Variants in DIAPH1 observed in about 807,000 individuals in gnomAD.
The protein encoded by DIAPH1 is diaphanous related formin 1, also known as protein diaphanous homolog 1.
Under a neutral mutation model 140.7 loss-of-function variants are expected in DIAPH1, and 46 were observed. The ratio of observed to expected loss-of-function variants is 0.33; its 90% CI spans 0.26 to 0.42. The LOEUF (loss-of-function observed/expected upper bound fraction) is 0.42. Ranked by LOEUF, DIAPH1 falls within the 10% of genes least tolerant of loss-of-function variation. The probability of loss-of-function intolerance (pLI) is 1.00; values close to 1 mark genes in which losing one functional copy is unlikely to be tolerated. For missense variants in DIAPH1, 1,310 were observed against 1,558.7 expected (o/e 0.84, Z 2.69); for synonymous variants, 565 against 551.6 (o/e 1.02, Z -0.34).
intron 7 of DIAPH1, among the ~76,000 whole-genome samples, chr5:141,581,259 A>T (rs1054702564): frequency 1.3e-5 from 2 of 152,306 alleles, no homozygotes; most frequent in African/African-American, 4.8e-5. Flanking sequence ...AGAAACTAGG[A>T]GGGATATGGA....
At chr5:141,574,519 AAT>A (rs2099895666) in intron 15 of DIAPH1, among the ~76,000 whole-genome samples, 1 of 152,246 alleles carries the variant, frequency 6.6e-6, no homozygotes. Flanking sequence ...TTATATAACT[AAT>A]ATATGTGCTA....
intron 1 of DIAPH1, among the ~76,000 whole-genome samples, chr5:141,616,422 C>G (rs1483381410): frequency 1.3e-5 from 2 of 152,194 alleles, no homozygotes; most frequent in Non-Finnish European, 2.9e-5. Context: ...CCAGAGGACA[C>G]ATACTCTAGA....
At position 141,618,903 on chromosome 5, in the gene DIAPH1, G is replaced by C; in HGVS notation, c.12C>G (p.Pro4=). Residue 4 remains proline, a synonymous_variant, in exon 1 of 28, where the codon CCC becomes CCG. Transcript: ENST00000389054. ...CGCGGCCGGGCCCCAGGCTCCCGCC[G>C]GGCGGCTCCATGTCCCGGTTCACGC... The part of the protein sequence containing the change: MEP[P]GGSLGPGRGT... 4 of 1,510,670 alleles carry C rather than the reference G, an allele frequency of 2.6e-6. No homozygotes were observed. Among genetic ancestry groups the C allele is most frequent in the Admixed American group, 2.1e-5 (1 of 47,388 alleles). The allele number at this position is 1,510,670 out of a possible 1,614,324, so 93.6% of individuals were successfully genotyped here. A position where few individuals can be genotyped will look rare whatever the true frequency, so the allele number is the denominator to read the frequency against.
chr5:141,549,242 G>A (rs2099891325), intron 18 of DIAPH1, among the ~76,000 whole-genome samples: 1 of 152,086 alleles, frequency 6.6e-6, no homozygotes, highest in Non-Finnish European at 1.5e-5. Context: ...ATAATCAAGA[G>A]AAAACTGGTG....
chr5:141,540,277 T>C (rs1479397003), intron 18 of DIAPH1, among the ~76,000 whole-genome samples: 5 of 150,844 alleles, frequency 3.3e-5, no homozygotes, highest in Non-Finnish European at 5.9e-5. Context: ...CATGACACCA[T>C]GCCTGGCTAA....
In DIAPH1 at chr5:141,583,207, C is replaced by T; in HGVS notation, c.619G>A (p.Gly207Arg). Residue 207 changes from glycine (G) to arginine (R), a missense_variant and splice_region_variant, in exon 6 of 28, where the codon GGG becomes AGG. This residue lies in a region of DIAPH1 where 377 missense variants were observed against 497.1 expected (regional missense o/e 0.76). Coordinates refer to ENST00000389054, the MANE Select transcript of DIAPH1 (RefSeq NM_005219.5). ...TTGCAAAGACTTGGAAGTCCTCACC[C>T]AGCAGTCTCTTCTTTCTCATCATGA... is the stretch of plus-strand genomic sequence containing the variant. The part of the protein sequence containing the change: ...RLHDEKEETA[G>R]SYDSRNKHEI... 1 of 1,613,978 alleles carries T rather than the reference C, an allele frequency of 6.2e-7. No homozygotes were observed.
chr5:141,566,449 T>C (rs1044733861), intron 18 of DIAPH1, among the ~76,000 whole-genome samples: 1 of 152,168 alleles, frequency 6.6e-6, no homozygotes, highest in Non-Finnish European at 1.5e-5. Flanking sequence ...ATGGGTGACA[T>C]AACGATGTCA....
At chr5:141,603,221 T>C (rs2099900436) in intron 1 of DIAPH1, among the ~76,000 whole-genome samples, 2 of 152,218 alleles carry the variant, frequency 1.3e-5, no homozygotes, top group Non-Finnish European at 2.9e-5. Context: ...CTCCTCCATT[T>C]GGTTCAGAGT....
chr5:141,590,256 A>G (rs1248226917), intron 1 of DIAPH1, among the ~76,000 whole-genome samples: 2 of 152,228 alleles, frequency 1.3e-5, no homozygotes, highest in African/African-American at 4.8e-5. Flanking sequence ...TTGAAATAAA[A>G]TAAAACAAAC....
intron 1 of DIAPH1, among the ~76,000 whole-genome samples, chr5:141,610,242 C>T (rs530262314): frequency 6.6e-6 from 1 of 152,274 alleles, no homozygotes; most frequent in East Asian, 1.9e-4. Flanking sequence ...AGCAATTCTC[C>T]TGCCTCAGCC....
At chr5:141,545,764 A>G (rs2099890702) in intron 18 of DIAPH1, among the ~76,000 whole-genome samples, 1 of 152,234 alleles carries the variant, frequency 6.6e-6, no homozygotes. Context: ...ACCATATATT[A>G]ATAGTTTCTG....
chr5:141,546,821 G>A (rs968644459), intron 18 of DIAPH1, among the ~76,000 whole-genome samples: 2 of 152,164 alleles, frequency 1.3e-5, no homozygotes, highest in Admixed American at 6.5e-5. Context: ...CCACAACCAC[G>A]TCTTGGCACA....
At chr5:141,614,312 T>A (rs1006324361) in intron 1 of DIAPH1, among the ~76,000 whole-genome samples, 21 of 152,178 alleles carry the variant, frequency 1.4e-4, no homozygotes, top group African/African-American at 4.6e-4. Flanking sequence ...ATATGTGACA[T>A]ACAACTTATC....
At chr5:141,575,203 A>C in intron 14 of DIAPH1, 57 bp from the exon 15 acceptor site, 1 of 1,567,792 alleles carries the variant, frequency 6.4e-7, no homozygotes, top group Non-Finnish European at 8.8e-7. Context: ...AAGAAGCACA[A>C]GTATTATTAC....
At chr5:141,536,904 TCATGCCTATAATC>T (rs2099889110) in intron 18 of DIAPH1, among the ~76,000 whole-genome samples, 1 of 152,072 alleles carries the variant, frequency 6.6e-6, no homozygotes, top group African/African-American at 2.4e-5. Context: ...GCATGGTGGC[TCATGCCTATAATC>T]CAAGCACTTT....
In DIAPH1 at chr5:141,604,451, T is replaced by C. The variant is rs561941711; in HGVS notation, c.117+14347A>G. On this transcript the variant is annotated intron_variant, in intron 1 of 27. Transcript: ENST00000389054. ...AAAAAAAGGGGTGTTGTCCATTCAT[T>C]TAGAAATAGTCAGTGACTCAGGAAT... is the stretch of plus-strand genomic sequence containing the variant. 1.2e-4 allele frequency among the ~76,000 whole-genome samples: 19 copies of C among 152,320 alleles called. No homozygotes were observed. The South Asian group carries it at 3.9e-3, about 32-fold the overall frequency.
chr5:141,516,466 C>A lies in DIAPH1; in HGVS notation c.*385G>T, dbSNP rs2099885696. ...GAAACCACAAAAGAAAAGCACAAAT[C>A]CAGCAAGACTGACCTAGGGGGGAAA... On this transcript the variant is annotated 3_prime_UTR_variant, in exon 28 of 28. Transcript: ENST00000389054. 4 of 297,610 alleles carry A rather than the reference C, an allele frequency of 1.3e-5. No individual in the cohort carries two copies. Among genetic ancestry groups the A allele is most frequent in the Non-Finnish European group, 2.6e-5 (4 of 152,436 alleles). The allele number at this position is 297,610 out of a possible 1,614,324, so 18.4% of individuals were successfully genotyped here. A position where few individuals can be genotyped will look rare whatever the true frequency, so the allele number is the denominator to read the frequency against.
intron 19 of DIAPH1, among the ~76,000 whole-genome samples, chr5:141,531,090 G>C (rs994480421): frequency 6.6e-6 from 1 of 152,004 alleles, no homozygotes; most frequent in Admixed American, 6.6e-5. Context: ...TAACCACAAA[G>C]CCAATGAAAA....
chr5:141,559,179 T>C (rs1412449289), intron 18 of DIAPH1, among the ~76,000 whole-genome samples: 1 of 152,200 alleles, frequency 6.6e-6, no homozygotes, highest in Non-Finnish European at 1.5e-5. Context: ...AATGTTAATA[T>C]AAGTGTTAAT....
Sources: gnomAD v4.1 joint callset for allele counts (sites outside exome capture counted in the v4.1 genomes callset) on GRCh38, gnomAD v4.1.1 for gene constraint, gnomAD v4.1.1 regional missense constraint, MANE v1.5 for transcripts, NCBI Gene and HGNC (gene_info 2026-07-23, HGNC 2026-07-21) for gene names.